RPH3A: variants seen among roughly 807,000 people sequenced by gnomAD.
RPH3A encodes the protein rabphilin 3A, also known as rabphilin-3A.
A neutral mutation model predicts 102.2 loss-of-function variants in RPH3A; 48 were observed. The observed-to-expected ratio is 0.47, with a 90% CI of 0.37 to 0.60. The LOEUF (loss-of-function observed/expected upper bound fraction) is 0.60, where lower values mean the gene tolerates loss of function less well. Ranked by LOEUF, RPH3A falls within the 20% of genes least tolerant of loss-of-function variation. The probability of loss-of-function intolerance (pLI) is 0.00; values close to 1 mark genes in which losing one functional copy is unlikely to be tolerated. For missense variants in RPH3A, 781 were observed against 910.1 expected, an observed-to-expected ratio of 0.86 and a Z score of 1.83; for synonymous variants, 310 against 324.3, an observed-to-expected ratio of 0.96 and a Z score of 0.47.
chr12:112,872,897 A>G (rs1241236886), intron 10 of RPH3A, among the ~76,000 whole-genome samples: 1 of 152,196 alleles, frequency 6.6e-6, no homozygotes, highest in Non-Finnish European at 1.5e-5. Flanking sequence ...GTTAGCTGCT[A>G]CCTTCTCTGA....
At chr12:112,793,883 A>G (rs1303482943) in intron 2 of RPH3A, among the ~76,000 whole-genome samples, 1 of 152,150 alleles carries the variant, frequency 6.6e-6, no homozygotes, top group Admixed American at 6.5e-5. Flanking sequence ...TTAGGGGGCT[A>G]TCAAGAGAGC....
intron 13 of RPH3A, 128 bp downstream of exon 13, chr12:112,876,994 T>C (rs570628350): frequency 7.3e-6 from 4 of 549,128 alleles, no homozygotes; most frequent in South Asian, 3.7e-5. Context: ...CTAATAAACA[T>C]ATTAACCAAG....
chr12:112,710,254 G>A (rs888757998), intron 1 of RPH3A, among the ~76,000 whole-genome samples: 1 of 152,180 alleles, frequency 6.6e-6, no homozygotes, highest in Non-Finnish European at 1.5e-5. Context: ...GGGATTACAG[G>A]CTTGAGCCAC....
rs570280062 is a variant in RPH3A at position 112,597,685 on chromosome 12, AACTTCC to A, written c.-140+22371_-140+22376del. On this transcript the variant is annotated intron_variant, in intron 1 of 21. Coordinates refer to the RPH3A transcript ENST00000543106. ...GATTGATGACTTTGGGGAGCCCAGA[AACTTCC>A]ACTTGTGTCAGGAAGGTGCATGAAA... is the stretch of plus-strand genomic sequence containing the variant. Among the ~76,000 whole-genome samples the A allele has an allele frequency of 2.3e-4, 35 of 152,340 alleles. No individual in the cohort carries two copies. In the South Asian group the frequency reaches 5.8e-3, roughly 25 times the overall value.
intron 1 of RPH3A, among the ~76,000 whole-genome samples, chr12:112,635,958 G>C (rs1184151124): frequency 1.3e-5 from 2 of 152,088 alleles, no homozygotes; most frequent in African/African-American, 2.4e-5. Flanking sequence ...GCCATCCTAG[G>C]TTGTTATGTC....
rs1168985423 is a variant in RPH3A at position 112,887,884 on chromosome 12, G to C, written c.1524G>C (p.Gln508His). 6.2e-7 allele frequency: 1 copy of C among 1,613,840 alleles called. No homozygotes were observed. The highest frequency in any genetic ancestry group is 8.5e-7 in the Non-Finnish European group (1 of 1,179,876). The change falls in exon 17 of 22, where the codon CAG becomes CAC. Residue 508 changes from glutamine (Q) to histidine (H), a missense_variant. By Grantham distance (24) the Gln-to-His change is conservative (BLOSUM62 0). This residue lies in a region of RPH3A where 730 missense variants were observed against 810.0 expected (regional missense o/e 0.90). Transcript: ENST00000389385. ...CCCTCAAGAAACTGAAGCCCAACCAGAGGAAGAATTTCAACATCTGCCTGG... is the reference window on the plus strand; with the variant it reads ...CCCTCAAGAAACTGAAGCCCAACCACAGGAAGAATTTCAACATCTGCCTGG... ...RFSLKKLKPNQRKNFNICLER... is the reference protein window; with the variant it reads ...RFSLKKLKPNHRKNFNICLER...
chr12:112,576,079 C>T (rs1227949194), intron 1 of RPH3A, among the ~76,000 whole-genome samples: 2 of 152,224 alleles, frequency 1.3e-5, no homozygotes, highest in Non-Finnish European at 2.9e-5. Context: ...GAATCCTCAC[C>T]ACGCTCCCTG....
intron 5 of RPH3A, among the ~76,000 whole-genome samples, chr12:112,858,277 A>AG (rs1351937951): frequency 6.7e-6 from 1 of 149,714 alleles, no homozygotes; most frequent in Non-Finnish European, 1.5e-5. Flanking sequence ...AAAAAAAAAA[A>AG]AAAAAAAAAA....
intron 1 of RPH3A, among the ~76,000 whole-genome samples, chr12:112,661,256 C>A (rs1431311290): frequency 6.6e-6 from 1 of 152,070 alleles, no homozygotes; most frequent in Non-Finnish European, 1.5e-5. Context: ...GCCTCAGTTT[C>A]CTCAAGTGCA....
intron 12 of RPH3A, among the ~76,000 whole-genome samples, 183 bp downstream of exon 12, chr12:112,875,924 A>T (rs2042790709): frequency 6.6e-6 from 1 of 152,224 alleles, no homozygotes; most frequent in Admixed American, 6.5e-5. Flanking sequence ...CTAGATAGAA[A>T]TGCCAACACA....
At chr12:112,669,427 C>G (rs1211669058) in intron 1 of RPH3A, among the ~76,000 whole-genome samples, 2 of 152,170 alleles carry the variant, frequency 1.3e-5, no homozygotes, top group Non-Finnish European at 2.9e-5. Flanking sequence ...GCCAAAAAGC[C>G]TGATCAATAC....
At chr12:112,821,973 TA>T (rs34609103) in intron 2 of RPH3A, among the ~76,000 whole-genome samples, 27,349 of 143,838 alleles carry the variant, frequency 0.19, 3,299 homozygotes, top group African/African-American at 0.35. Flanking sequence ...ATTTTACCCT[TA>T]AAAAAAAAAA....
intron 20 of RPH3A, 162 bp from the exon 21 acceptor site, chr12:112,895,615 G>A (rs969366450): frequency 2.3e-5 from 13 of 571,384 alleles, no homozygotes; most frequent in African/African-American, 1.9e-4. Context: ...AGGGGATCAC[G>A]GGACCTGGGG....
At chr12:112,584,440 T>C (rs1328893472) in intron 1 of RPH3A, among the ~76,000 whole-genome samples, 2 of 152,146 alleles carry the variant, frequency 1.3e-5, no homozygotes, top group African/African-American at 4.8e-5. Context: ...AACACCTCCC[T>C]ACGCAATCTA....
chr12:112,816,867 T>C (rs1012750780), intron 2 of RPH3A, among the ~76,000 whole-genome samples: 2 of 152,176 alleles, frequency 1.3e-5, no homozygotes, highest in Non-Finnish European at 2.9e-5. Flanking sequence ...TCATAATAAA[T>C]TAAGGATAGC....
At chr12:112,617,293 C>T (rs1461946682) in intron 1 of RPH3A, among the ~76,000 whole-genome samples, 1 of 152,156 alleles carries the variant, frequency 6.6e-6, no homozygotes, top group Non-Finnish European at 1.5e-5. Context: ...ATCCACGCTG[C>T]TGAGGTGTTG....
chr12:112,778,167 A>C (rs1186969840), intron 1 of RPH3A, among the ~76,000 whole-genome samples: 2 of 152,230 alleles, frequency 1.3e-5, no homozygotes, highest in East Asian at 1.9e-4. Context: ...GTGATTCATC[A>C]AAAAACAGAT....
Position 112,602,909 on chromosome 12 carries a change from A to T in RPH3A, c.-140+27590A>T, listed in dbSNP as rs529908872. On this transcript the variant is annotated intron_variant, in intron 1 of 21. Transcript: ENST00000543106. ...AAAAGACAGATTAACAAGAGAAAAA[A>T]ATATAAATGTATTTAAGTTTTAAGT... Among the ~76,000 whole-genome samples, 7 of 152,338 alleles carry T rather than the reference A, an allele frequency of 4.6e-5. No individual in the cohort carries two copies. The South Asian group carries it at 1.5e-3, about 32-fold the overall frequency.
chr12:112,726,821 G>A (rs767468979), intron 1 of RPH3A, among the ~76,000 whole-genome samples: 4 of 152,036 alleles, frequency 2.6e-5, no homozygotes, highest in Non-Finnish European at 5.9e-5. Flanking sequence ...TCAGGAGTTC[G>A]AGACCAGACT....
Sources: gnomAD v4.1 joint callset for allele counts (sites outside exome capture counted in the v4.1 genomes callset) on GRCh38, gnomAD v4.1.1 for gene constraint, gnomAD v4.1.1 regional missense constraint, MANE v1.5 for transcripts, NCBI Gene and HGNC (gene_info 2026-07-23, HGNC 2026-07-21) for gene names.